The following ITGB1 variants were observed in gnomAD, a reference collection of about 807,000 sequenced individuals.
ITGB1 encodes the protein integrin subunit beta 1.
A neutral mutation model predicts 86.5 loss-of-function variants in ITGB1; 24 were observed. The ratio of observed to expected loss-of-function variants is 0.28; its 90% CI spans 0.20 to 0.39. ITGB1 has a LOEUF of 0.39. ITGB1 is among the 10% of genes least tolerant of loss of function. The probability of loss-of-function intolerance (pLI) is 1.00; values close to 1 mark genes in which losing one functional copy is unlikely to be tolerated. For missense variants in ITGB1, 556 were observed against 946.9 expected (o/e 0.59, Z 5.42); for synonymous variants, 323 against 316.8 (o/e 1.02, Z -0.21).
intron 1 of ITGB1, among the ~76,000 whole-genome samples, chr10:32,937,550 G>A (rs1449655259): frequency 1.7e-5 from 1 of 58,528 alleles, no homozygotes; most frequent in African/African-American, 6.1e-5. Flanking sequence ...GCGAGACTCC[G>A]TCTCAAAAAA....
At chr10:32,953,375 G>A (rs1323904141) in intron 1 of ITGB1, among the ~76,000 whole-genome samples, 1 of 151,992 alleles carries the variant, frequency 6.6e-6, no homozygotes, top group Non-Finnish European at 1.5e-5. Context: ...CATGTCCACT[G>A]AGTAAAGCAT....
chr10:32,950,671 A>G (rs918014602), intron 1 of ITGB1, among the ~76,000 whole-genome samples: 10 of 152,194 alleles, frequency 6.6e-5, no homozygotes, highest in African/African-American at 2.4e-4. Context: ...AGTCTGAATT[A>G]GAAAACCATC....
intron 1 of ITGB1, among the ~76,000 whole-genome samples, chr10:32,945,225 C>T (rs2095028431): frequency 6.6e-6 from 1 of 152,008 alleles, no homozygotes; most frequent in South Asian, 2.1e-4. Context: ...CCTGCAAAAC[C>T]ATCAGAGATG....
chr10:32,910,331 C>G lies in ITGB1; in HGVS notation c.2056G>C (p.Asp686His), dbSNP rs1256188347. The change falls in exon 14 of 16, where the codon GAT becomes CAT. Residue 686 changes from aspartate (D) to histidine (H), a missense_variant. Around this residue, in one of 4 missense-constraint regions of ITGB1, gnomAD observed 330 missense variants for 531.5 expected, o/e 0.62. Coordinates refer to ENST00000302278, the MANE Select transcript of ITGB1 (RefSeq NM_002211.4). The stretch of plus-strand genomic sequence containing the variant: ...TTCTCCTTACAATGGGACACAGGAT[C>G]AGGTTGGACCGGCTGGGGTAATTTG... ...RDKLPQPVQP[D>H]PVSHCKEKDV... is the part of the protein sequence containing the mutation. The G allele has an allele frequency of 6.3e-7, 1 of 1,599,952 alleles. No homozygotes were observed. Among genetic ancestry groups the G allele is most frequent in the African/African-American group, 1.3e-5 (1 of 74,618 alleles).
At chr10:32,938,444 AT>A (rs35779941) in intron 1 of ITGB1, among the ~76,000 whole-genome samples, 7,241 of 152,324 alleles carry the variant, frequency 0.048, 232 homozygotes, top group Non-Finnish European at 0.075. Context: ...TCAACATATC[AT>A]ACAATTTAGA....
intron 1 of ITGB1, among the ~76,000 whole-genome samples, chr10:32,940,580 C>T (rs2095016074): frequency 6.6e-6 from 1 of 152,194 alleles, no homozygotes; most frequent in African/African-American, 2.4e-5. Context: ...TATGGGACCA[C>T]TGTCGTGTAT....
At chr10:32,928,959 G>A (rs1482056419) in intron 4 of ITGB1, among the ~76,000 whole-genome samples, 1 of 151,946 alleles carries the variant, frequency 6.6e-6, no homozygotes. Context: ...ATTTCTAATA[G>A]GCAATTGGAG....
At chr10:32,920,200 A>G (rs201585457) in intron 10 of ITGB1, 45 bp downstream of exon 10, 55 of 1,589,356 alleles carry the variant, frequency 3.5e-5, no homozygotes, top group Non-Finnish European at 4.6e-5. Context: ...AAATTTGCTT[A>G]TAAATAACCA....
At chr10:32,920,510 T>C (rs554510412) in intron 9 of ITGB1, 125 bp from the exon 10 acceptor site, 25 of 754,106 alleles carry the variant, frequency 3.3e-5, no homozygotes, top group Admixed American at 8.3e-5. Context: ...CCAAATCCAA[T>C]TGAGTAACTA....
At position 32,920,276 on chromosome 10, in the gene ITGB1, C is replaced by T; in HGVS notation, c.1238G>A (p.Arg413Lys). 4 of 1,613,408 alleles carry T rather than the reference C, an allele frequency of 2.5e-6. No homozygotes were observed. The highest frequency in any genetic ancestry group is 3.4e-6 in the Non-Finnish European group (4 of 1,179,554). Reference protein sequence around the residue: ...NGVNGTGENGRKCSNISIGDE... With the variant: ...NGVNGTGENGKKCSNISIGDE... ...TCCAATGGAAATATTGGAACATTTT[C>T]TTCCATTTTCCCCTGTTCCATTCAC... is the stretch of plus-strand genomic sequence containing the variant. The change falls in exon 10 of 16, where the codon AGA becomes AAA. Residue 413 changes from arginine (R) to lysine (K), a missense_variant. Physicochemically the swap from Arg to Lys is conservative, Grantham distance 26. Around this residue, in one of 4 missense-constraint regions of ITGB1, gnomAD observed 330 missense variants for 531.5 expected, o/e 0.62. Transcript: ENST00000302278.
rs71299726 is a variant in ITGB1 at position 32,948,971 on chromosome 10, G to GAA, written c.-1+9172_-1+9173dup. Among the ~76,000 whole-genome samples the GAA allele has an allele frequency of 5.6e-4, 68 of 121,414 alleles. 2 individuals are homozygous for GAA. The highest frequency in any genetic ancestry group is 1.6e-3 in the African/African-American group (56 of 35,254). The allele number at this position is 121,414 out of a possible 152,430, so 79.7% of individuals were successfully genotyped here. ...GGACTGCTGCTCACTGTGGATTACT[G>GAA]AAAAAAAAAAAAAGACTGACTTCTC... is the stretch of plus-strand genomic sequence containing the variant. On this transcript the variant is annotated intron_variant, in intron 1 of 15. Coordinates refer to ENST00000302278, the MANE Select transcript of ITGB1 (RefSeq NM_002211.4).
In ITGB1 at chr10:32,922,711, C is replaced by A; in HGVS notation, c.967G>T (p.Val323Phe). The A allele has an allele frequency of 6.3e-7, 1 of 1,599,874 alleles. No individual in the cohort carries two copies. The highest frequency in any genetic ancestry group is 8.6e-7 in the Non-Finnish European group (1 of 1,169,072). ...ATATTATTTTCACTCAGTTTCTGGA[C>A]AAGGTGAGCAATAGAAGGATAATCC... is the stretch of plus-strand genomic sequence containing the variant. ...YYDYPSIAHL[V>F]QKLSENNIQT... is the part of the protein sequence containing the mutation. The change falls in exon 8 of 16, where the codon GTC becomes TTC. Residue 323 changes from valine (V) to phenylalanine (F), a missense_variant. This residue lies in a region of ITGB1 where 330 missense variants were observed against 531.5 expected (regional missense o/e 0.62). Transcript: ENST00000302278.
intron 1 of ITGB1, among the ~76,000 whole-genome samples, chr10:32,937,841 T>C (rs181005839): frequency 3.9e-5 from 6 of 152,314 alleles, no homozygotes; most frequent in Admixed American, 3.9e-4. Flanking sequence ...CAAATTTCCT[T>C]TAATATGAAA....
At chr10:32,914,819 T>A (rs141573093) in intron 11 of ITGB1, among the ~76,000 whole-genome samples, 3,519 of 152,060 alleles carry the variant, frequency 0.023, 155 homozygotes, top group African/African-American at 0.08. Context: ...GTGGACCTAA[T>A]AGACATCTAC....
In ITGB1 at chr10:32,910,253, C is replaced by T. The variant is rs373574635; in HGVS notation, c.2134G>A (p.Glu712Lys). ...YFTYSVNGNN[E>K]VMVHVVENPE... The stretch of plus-strand genomic sequence containing the variant: ...TTCTCCACAACATGAACCATGACCT[C>T]GTTGTTCCCATTCACTGAATACGTA... Residue 712 changes from glutamate (E) to lysine (K), a missense_variant, in exon 14 of 16, where the codon GAG becomes AAG. Glu to Lys is a moderately conservative substitution (Grantham distance 56). Around this residue, in one of 4 missense-constraint regions of ITGB1, gnomAD observed 330 missense variants for 531.5 expected, o/e 0.62. Transcript: ENST00000302278. 49 of 1,605,530 alleles carry T rather than the reference C, an allele frequency of 3.1e-5. No homozygotes were observed. The highest frequency in any genetic ancestry group is 1.7e-4 in the Middle Eastern group (1 of 6,058).
intron 1 of ITGB1, among the ~76,000 whole-genome samples, chr10:32,946,090 G>C (rs181270840): frequency 6.6e-6 from 1 of 152,066 alleles, no homozygotes; most frequent in Non-Finnish European, 1.5e-5. Context: ...GATGTTACTC[G>C]GGTTAAGAAA....
Position 32,923,757 on chromosome 10 carries a change from T to A in ITGB1, c.787-17A>T, listed in dbSNP as rs193028710. 5 of 1,602,626 alleles carry A rather than the reference T, an allele frequency of 3.1e-6. No homozygotes were observed. The highest frequency in any genetic ancestry group is 2.7e-5 in the African/African-American group (2 of 74,390). ...AATCAGTGACTTGAAAAGAAAAGGA[T>A]TTCAATTTTAAAACACTATTCACAG... On this transcript the variant is annotated splice_polypyrimidine_tract_variant and intron_variant, in intron 6 of 15. Transcript: ENST00000302278.
At chr10:32,903,261 G>C (rs2094886638) in intron 15 of ITGB1, among the ~76,000 whole-genome samples, 1 of 143,228 alleles carries the variant, frequency 7.0e-6, no homozygotes, top group African/African-American at 2.5e-5. Flanking sequence ...CTGGGATAGG[G>C]GAATCACTTG....
At chr10:32,914,605 G>A (rs1488558932) in intron 11 of ITGB1, among the ~76,000 whole-genome samples, 1 of 152,048 alleles carries the variant, frequency 6.6e-6, no homozygotes, top group Non-Finnish European at 1.5e-5. Context: ...AATTCAACAG[G>A]AAGAGCTGAC....
Sources: gnomAD v4.1 joint callset for allele counts (sites outside exome capture counted in the v4.1 genomes callset) on GRCh38, gnomAD v4.1.1 for gene constraint, gnomAD v4.1.1 regional missense constraint, MANE v1.5 for transcripts, NCBI Gene and HGNC (gene_info 2026-07-23, HGNC 2026-07-21) for gene names.